PARD3B: variants seen among roughly 807,000 people sequenced by gnomAD.
PARD3B encodes the protein partitioning defective 3 homolog B.
Under a neutral mutation model 130.2 loss-of-function variants are expected in PARD3B, and 103 were observed. That is an observed-to-expected ratio of 0.79 (90% confidence interval 0.67 to 0.93). The LOEUF (loss-of-function observed/expected upper bound fraction) is 0.93, where lower values mean the gene tolerates loss of function less well. Among genes scored for constraint, PARD3B ranks in the 40% least tolerant of loss-of-function variants. The probability of loss-of-function intolerance (pLI) is 0.00; values close to 1 mark genes in which losing one functional copy is unlikely to be tolerated. For synonymous variants in PARD3B, 583 were observed against 553.2 expected (o/e 1.05, Z -0.76); for missense variants, 1,609 against 1,499.2 (o/e 1.07, Z -1.21).
At chr2:205,588,960 A>G (rs1045401712) in intron 22 of PARD3B, among the ~76,000 whole-genome samples, 13 of 152,132 alleles carry the variant, frequency 8.5e-5, no homozygotes, top group Admixed American at 2.0e-4. Context: ...ACGAATTTCC[A>G]TGTTCTTGGG....
At chr2:204,682,210 A>G (rs1000578089) in intron 1 of PARD3B, among the ~76,000 whole-genome samples, 5 of 152,124 alleles carry the variant, frequency 3.3e-5, no homozygotes, top group African/African-American at 1.2e-4. Context: ...AATGGACCTG[A>G]TTCCCTGCCT....
rs557647021 is a variant in PARD3B at position 205,067,699 on chromosome 2, G to A, written c.504+20009G>A. ...TTTTAATATTTGGCATGAGAAATCAGTTATTTCAGTGCCATTTAAAATAAT... is the reference window on the plus strand; with the variant it reads ...TTTTAATATTTGGCATGAGAAATCAATTATTTCAGTGCCATTTAAAATAAT... On this transcript the variant is annotated intron_variant, in intron 4 of 22. Transcript: ENST00000406610. Among the ~76,000 whole-genome samples, 6 of 152,188 alleles carry A rather than the reference G, an allele frequency of 3.9e-5. 1 individual carries two copies. In the South Asian group the frequency reaches 1.2e-3, roughly 32 times the overall value.
In PARD3B at chr2:204,545,765, C is replaced by G; in HGVS notation, c.-235C>G. 2.4e-6 allele frequency: 1 copy of G among 408,944 alleles called. No homozygotes were observed. The highest frequency in any genetic ancestry group is 4.3e-6 in the Non-Finnish European group (1 of 233,186). The allele number at this position is 408,944 out of a possible 1,614,324, so 25.3% of individuals were successfully genotyped here. On this transcript the variant is annotated 5_prime_UTR_variant, in exon 1 of 23. Transcript: ENST00000406610. ...CGCGGAGCTGCCGCGTCCCGGGCCG[C>G]CGGGCACCTGGGAGGTAACCCCTTT...
chr2:204,829,263 G>C (rs114876411), intron 2 of PARD3B, among the ~76,000 whole-genome samples: 1 of 152,174 alleles, frequency 6.6e-6, no homozygotes, highest in Non-Finnish European at 1.5e-5. Flanking sequence ...TTATGTGCTA[G>C]GAACTTGCTT....
intron 21 of PARD3B, among the ~76,000 whole-genome samples, chr2:205,538,719 G>C (rs2051982198): frequency 6.6e-6 from 1 of 152,158 alleles, no homozygotes; most frequent in Admixed American, 6.5e-5. Flanking sequence ...AGCCAGATCT[G>C]CTCAGGGGGC....
At chr2:204,812,791 A>C (rs991568261) in intron 2 of PARD3B, among the ~76,000 whole-genome samples, 2 of 152,160 alleles carry the variant, frequency 1.3e-5, no homozygotes, top group African/African-American at 4.8e-5. Flanking sequence ...GGTGTTTTCT[A>C]TCTGCTGGGA....
At chr2:204,957,900 G>A (rs1023886813) in intron 2 of PARD3B, among the ~76,000 whole-genome samples, 4 of 151,988 alleles carry the variant, frequency 2.6e-5, no homozygotes, top group African/African-American at 9.7e-5. Flanking sequence ...TTATTTTATA[G>A]GATACTGGGT....
chr2:205,599,709 C>T (rs767849057), intron 22 of PARD3B, among the ~76,000 whole-genome samples: 3 of 152,148 alleles, frequency 2.0e-5, no homozygotes, highest in Non-Finnish European at 4.4e-5. Flanking sequence ...CTCTTCACTT[C>T]TGAAAGAGTT....
chr2:205,489,343 G>A (rs1234830773), intron 20 of PARD3B, among the ~76,000 whole-genome samples: 1 of 151,744 alleles, frequency 6.6e-6, no homozygotes, highest in African/African-American at 2.4e-5. Flanking sequence ...GGCTTACAGT[G>A]GCTCACACCT....
intron 3 of PARD3B, among the ~76,000 whole-genome samples, chr2:205,013,987 G>A (rs892779972): frequency 6.6e-6 from 1 of 152,144 alleles, no homozygotes; most frequent in Non-Finnish European, 1.5e-5. Context: ...CCTTGTCTGT[G>A]TCTATAAGTT....
intron 1 of PARD3B, among the ~76,000 whole-genome samples, chr2:204,634,638 T>C (rs569255513): frequency 4.6e-5 from 7 of 152,316 alleles, no homozygotes; most frequent in Admixed American, 2.0e-4. Context: ...TTGTATTCTA[T>C]GGTGTTAACA....
At chr2:204,765,551 G>T (rs997186115) in intron 2 of PARD3B, among the ~76,000 whole-genome samples, 1 of 152,140 alleles carries the variant, frequency 6.6e-6, no homozygotes, top group Admixed American at 6.5e-5. Flanking sequence ...CAAATAGTCT[G>T]AGGCATTAAT....
At chr2:205,117,525 A>C (rs1353597928) in intron 6 of PARD3B, among the ~76,000 whole-genome samples, 1 of 152,208 alleles carries the variant, frequency 6.6e-6, no homozygotes, top group Admixed American at 6.5e-5. Context: ...CAGGAGGACT[A>C]CTTTCTCTAA....
chr2:205,216,232 A>G (rs1017289741), intron 15 of PARD3B, among the ~76,000 whole-genome samples: 4 of 152,172 alleles, frequency 2.6e-5, no homozygotes, highest in East Asian at 3.9e-4. Context: ...ACCATAGGCT[A>G]GGCCATATAG....
intron 21 of PARD3B, among the ~76,000 whole-genome samples, chr2:205,527,361 G>A (rs2051383610): frequency 6.6e-6 from 1 of 152,074 alleles, no homozygotes; most frequent in South Asian, 2.1e-4. Flanking sequence ...ACTGCAGTAA[G>A]GATTTTTTAT....
chr2:204,779,716 A>G lies in PARD3B; in HGVS notation c.222+93434A>G, dbSNP rs2041772018. ...TAAGGAAGCCCAGGGTTGTGAGGCTAGTAAGTGGTAGAGTGGATGGTATTC... is the reference window on the plus strand; with the variant it reads ...TAAGGAAGCCCAGGGTTGTGAGGCTGGTAAGTGGTAGAGTGGATGGTATTC... On this transcript the variant is annotated intron_variant, in intron 2 of 22. Transcript: ENST00000406610. Among the ~76,000 whole-genome samples the G allele has an allele frequency of 2.0e-5, 3 of 152,198 alleles. No individual in the cohort carries two copies. In the South Asian group the frequency reaches 6.2e-4, roughly 32 times the overall value.
intron 2 of PARD3B, among the ~76,000 whole-genome samples, chr2:204,773,037 A>G (rs1236737300): frequency 1.3e-5 from 2 of 151,952 alleles, no homozygotes; most frequent in African/African-American, 4.8e-5. Flanking sequence ...TTTCCCTCTT[A>G]TATCTGGGAG....
intron 1 of PARD3B, among the ~76,000 whole-genome samples, chr2:204,615,138 A>G (rs538132185): frequency 3.3e-5 from 5 of 152,284 alleles, no homozygotes; most frequent in East Asian, 1.9e-4. Flanking sequence ...TCTTTTAAGT[A>G]TAGAAAGAAA....
At chr2:205,026,481 T>C (rs1697039548) in intron 3 of PARD3B, among the ~76,000 whole-genome samples, 1 of 152,192 alleles carries the variant, frequency 6.6e-6, no homozygotes, top group South Asian at 2.1e-4. Context: ...ATTACCACAA[T>C]CAAATCAACA....
Sources: gnomAD v4.1 joint callset for allele counts (sites outside exome capture counted in the v4.1 genomes callset) on GRCh38, gnomAD v4.1.1 for gene constraint, MANE v1.5 for transcripts, NCBI Gene and HGNC (gene_info 2026-07-23, HGNC 2026-07-21) for gene names.